Variants in DYRK1A observed in about 807,000 individuals in gnomAD.
DYRK1A encodes dual specificity tyrosine-phosphorylation-regulated kinase 1A.
Under a neutral mutation model 79.7 loss-of-function variants are expected in DYRK1A, and 9 were observed. The ratio of observed to expected loss-of-function variants is 0.11; its 90% CI spans 0.07 to 0.20. The LOEUF is 0.20. Among genes scored for constraint, DYRK1A ranks in the 10% least tolerant of loss-of-function variants. DYRK1A has a pLI of 1.00. For synonymous variants in DYRK1A, 349 were observed against 329.7 expected (o/e 1.06, Z -0.63); for missense variants, 622 against 956.0 (o/e 0.65, Z 4.61).
At chr21:37,447,556 T>C (rs910244553) in intron 2 of DYRK1A, among the ~76,000 whole-genome samples, 1 of 152,180 alleles carries the variant, frequency 6.6e-6, no homozygotes, top group Non-Finnish European at 1.5e-5. Flanking sequence ...AGAGTTTTGA[T>C]TAATTGCAAC....
chr21:37,373,733 C>G (rs1291617807), intron 1 of DYRK1A, among the ~76,000 whole-genome samples: 1 of 152,164 alleles, frequency 6.6e-6, no homozygotes, highest in African/African-American at 2.4e-5. Flanking sequence ...CCCTATTGGT[C>G]ATAACTTAGT....
In DYRK1A at chr21:37,518,301, C is replaced by A. The variant is rs1032357895; in HGVS notation, c.*5770C>A. The A allele has an allele frequency of 1.3e-5, 2 of 152,302 alleles. No individual in the cohort carries two copies. The highest frequency in any genetic ancestry group is 6.5e-5 in the Admixed American group (1 of 15,286). 9.4% of individuals were successfully genotyped at this position (152,302 alleles called of 1,614,324 possible). On this transcript the variant is annotated 3_prime_UTR_variant, in exon 12 of 12. Coordinates refer to ENST00000647188, the MANE Select transcript of DYRK1A (RefSeq NM_001347721.2). ...CCACGAGGTGGGGAGGAGCTCACTT[C>A]AGGCACCACTCCCACTTCCATTGCC... is the stretch of plus-strand genomic sequence containing the variant.
In DYRK1A at chr21:37,519,836, G is replaced by A. The variant is rs1388866724; in HGVS notation, c.*7305G>A. 6.6e-6 allele frequency: 1 copy of A among 150,604 alleles called. No individual in the cohort carries two copies. The highest frequency in any genetic ancestry group is 2.5e-5 in the African/African-American group (1 of 40,468). 9.3% of individuals were successfully genotyped at this position (150,604 alleles called of 1,614,324 possible). On this transcript the variant is annotated 3_prime_UTR_variant, in exon 12 of 12. Coordinates refer to ENST00000647188, the MANE Select transcript of DYRK1A (RefSeq NM_001347721.2). ...GGCTCACTGCAAGCTCCGCCTCCTGGGTTCACGCCATTCGCCTGCCTCAGC... is the reference window on the plus strand; with the variant it reads ...GGCTCACTGCAAGCTCCGCCTCCTGAGTTCACGCCATTCGCCTGCCTCAGC...
chr21:37,389,918 G>GTTTTTT (rs1337784767), intron 1 of DYRK1A, among the ~76,000 whole-genome samples: 1 of 145,040 alleles, frequency 6.9e-6, no homozygotes. Flanking sequence ...TATGTATTTT[G>GTTTTTT]TTTTTTGTTT....
intron 1 of DYRK1A, among the ~76,000 whole-genome samples, chr21:37,376,161 T>C (rs910049636): frequency 1.4e-4 from 22 of 152,056 alleles, no homozygotes; most frequent in African/African-American, 5.1e-4. Flanking sequence ...GCACTAAGAA[T>C]GTTTTGGAAA....
At chr21:37,461,990 T>C (rs1460529236) in intron 2 of DYRK1A, among the ~76,000 whole-genome samples, 1 of 152,066 alleles carries the variant, frequency 6.6e-6, no homozygotes, top group Non-Finnish European at 1.5e-5. Flanking sequence ...TTCATTTGAG[T>C]TATTTTGTTT....
chr21:37,399,747 C>G (rs1422025262), intron 1 of DYRK1A, among the ~76,000 whole-genome samples: 2 of 152,012 alleles, frequency 1.3e-5, no homozygotes, highest in African/African-American at 4.8e-5. Context: ...AAGGTACTCA[C>G]GAGAAAGCAG....
chr21:37,494,884 C>T (rs1256388862), intron 8 of DYRK1A, among the ~76,000 whole-genome samples: 2 of 150,640 alleles, frequency 1.3e-5, no homozygotes, highest in Non-Finnish European at 3.0e-5. Context: ...GGAGGCAGAG[C>T]TTGCAGTGAG....
intron 1 of DYRK1A, among the ~76,000 whole-genome samples, chr21:37,385,708 CTT>C (rs2148377554): frequency 6.6e-6 from 1 of 152,268 alleles, no homozygotes; most frequent in East Asian, 1.9e-4. Context: ...CGCTTCATGA[CTT>C]GTTTCACCGG....
intron 2 of DYRK1A, among the ~76,000 whole-genome samples, chr21:37,452,358 G>A (rs941685031): frequency 6.8e-6 from 1 of 147,164 alleles, no homozygotes; most frequent in African/African-American, 2.5e-5. Context: ...GGGGGATTGA[G>A]GTAAAGGGGG....
intron 4 of DYRK1A, 34 bp from the exon 5 acceptor site, chr21:37,480,604 A>T (rs759800586): frequency 9.3e-6 from 14 of 1,510,392 alleles, no homozygotes; most frequent in Middle Eastern, 3.5e-4. Context: ...AGTGATTTAA[A>T]TTTTACAGTT....
At chr21:37,454,577 T>C (rs1486630131) in intron 2 of DYRK1A, among the ~76,000 whole-genome samples, 1 of 152,174 alleles carries the variant, frequency 6.6e-6, no homozygotes, top group African/African-American at 2.4e-5. Flanking sequence ...ATATTCTAAA[T>C]CTTTCAAAAA....
chr21:37,526,137 C>T lies in DYRK1A; in HGVS notation c.*13606C>T, dbSNP rs2148680296. The stretch of plus-strand genomic sequence containing the variant: ...AGAGCTCCATTCCCACACACATTTG[C>T]CACAGATACATTATCTGAGCCCAAA... On this transcript the variant is annotated 3_prime_UTR_variant, in exon 12 of 12. Coordinates refer to ENST00000647188, the MANE Select transcript of DYRK1A (RefSeq NM_001347721.2). The T allele has an allele frequency of 6.6e-6, 1 of 152,284 alleles. No homozygotes were observed. The highest frequency in any genetic ancestry group is 6.5e-5 in the Admixed American group (1 of 15,304). 9.4% of individuals were successfully genotyped at this position (152,284 alleles called of 1,614,324 possible). A position where few individuals can be genotyped will look rare whatever the true frequency, so the allele number is the denominator to read the frequency against.
chr21:37,383,560 T>C (rs2049700607), intron 1 of DYRK1A, among the ~76,000 whole-genome samples: 1 of 152,230 alleles, frequency 6.6e-6, no homozygotes, highest in Admixed American at 6.5e-5. Context: ...TAGATTAGAA[T>C]TTACTGAGAA....
At chr21:37,507,667 C>G (rs34839280) in intron 11 of DYRK1A, among the ~76,000 whole-genome samples, 2 of 118,880 alleles carry the variant, frequency 1.7e-5, no homozygotes, top group Admixed American at 2.1e-4. Context: ...TTCCCTCCCC[C>G]CACCCCTTTT....
intron 1 of DYRK1A, among the ~76,000 whole-genome samples, chr21:37,386,114 G>T (rs1041162841): frequency 7.2e-5 from 11 of 152,258 alleles, no homozygotes; most frequent in African/African-American, 2.6e-4. Context: ...TAAATGGGAA[G>T]TGGTTGATAG....
At chr21:37,485,653 CTATTT>C (rs1399325999) in intron 5 of DYRK1A, among the ~76,000 whole-genome samples, 1 of 152,136 alleles carries the variant, frequency 6.6e-6, no homozygotes, top group Non-Finnish European at 1.5e-5. Context: ...AATGTAACTT[CTATTT>C]TATTAGTTGT....
intron 1 of DYRK1A, among the ~76,000 whole-genome samples, chr21:37,375,971 C>G (rs115295779): frequency 6.6e-6 from 1 of 151,912 alleles, no homozygotes; most frequent in Non-Finnish European, 1.5e-5. Flanking sequence ...TCTTCCTATA[C>G]CAATATAAAC....
At chr21:37,409,323 G>C (rs933053210) in intron 1 of DYRK1A, among the ~76,000 whole-genome samples, 9 of 152,174 alleles carry the variant, frequency 5.9e-5, no homozygotes, top group African/African-American at 2.2e-4. Flanking sequence ...TGCAATAAGT[G>C]ATGGAGCCAG....
Sources: gnomAD v4.1 joint callset for allele counts (sites outside exome capture counted in the v4.1 genomes callset) on GRCh38, gnomAD v4.1.1 for gene constraint, MANE v1.5 for transcripts, NCBI Gene and HGNC (gene_info 2026-07-23, HGNC 2026-07-21) for gene names.